MAP3K5: variants seen among roughly 807,000 people sequenced by gnomAD.
MAP3K5 encodes the protein mitogen-activated protein kinase kinase kinase 5.
Under a neutral mutation model 158.7 loss-of-function variants are expected in MAP3K5, and 56 were observed. That is an observed-to-expected ratio of 0.35 (90% CI 0.28 to 0.44). The LOEUF (loss-of-function observed/expected upper bound fraction) is 0.44, where lower values mean the gene tolerates loss of function less well. Ranked by LOEUF, MAP3K5 falls within the 20% of genes least tolerant of loss-of-function variation. The pLI is 1.00. For missense variants in MAP3K5, 1,294 were observed against 1,674.8 expected (o/e 0.77, Z 3.97); for synonymous variants, 579 against 601.7 (o/e 0.96, Z 0.55).
At chr6:136,583,827 C>T (rs1303210077) in intron 23 of MAP3K5, 87 bp from the exon 24 acceptor site, 25 of 1,284,908 alleles carry the variant, frequency 1.9e-5, no homozygotes, top group South Asian at 1.5e-4. Context: ...CCTGCCCCCA[C>T]ATTTTTTTTT....
At chr6:136,789,833 T>C (rs1582709965) in intron 1 of MAP3K5, among the ~76,000 whole-genome samples, 1 of 151,946 alleles carries the variant, frequency 6.6e-6, no homozygotes, top group East Asian at 1.9e-4. Context: ...GGACTACAGG[T>C]GTGCACCACC....
At position 136,592,560 on chromosome 6, in the gene MAP3K5, C is replaced by T. The variant is rs1412889746; in HGVS notation, c.2933G>A (p.Ser978Asn). The change falls in exon 22 of 30, where the codon AGC becomes AAC. Residue 978 changes from serine to asparagine, a missense_variant. Ser to Asn is a conservative substitution (Grantham distance 46). Transcript: ENST00000359015. Reference sequence around the variant, plus strand: ...TGAAACTGAGCCGTACTCACTGCTGCTGCTGGTGTCCTCCACCAGCACAGG... The same window carrying T: ...TGAAACTGAGCCGTACTCACTGCTGTTGCTGGTGTCCTCCACCAGCACAGG... Reference protein sequence around the residue: ...PVPVLVEDTSSSSEYGSVSPD... With the variant: ...PVPVLVEDTSNSSEYGSVSPD... The T allele has an allele frequency of 6.2e-7, 1 of 1,614,002 alleles. No individual in the cohort carries two copies. Among genetic ancestry groups the T allele is most frequent in the Admixed American group, 1.7e-5 (1 of 60,004 alleles).
Position 136,635,724 on chromosome 6 carries a change from C to T in MAP3K5, c.2016+1601G>A, listed in dbSNP as rs1346768832. On this transcript the variant is annotated intron_variant, in intron 14 of 29. Coordinates refer to ENST00000359015, the MANE Select transcript of MAP3K5 (RefSeq NM_005923.4). ...GCAACAAAGTGAGATCCCGTCTCCA[C>T]CAAAAAAAAAAAAAAAAAAAAAAAA... Among the ~76,000 whole-genome samples, 10 of 85,220 alleles carry T rather than the reference C, an allele frequency of 1.2e-4. No homozygotes were observed. In the Admixed American group the frequency reaches 1.2e-3, roughly 11 times the overall value. 55.9% of individuals were successfully genotyped at this position (85,220 alleles called of 152,430 possible).
At chr6:136,709,989 T>A (rs183947090) in intron 2 of MAP3K5, among the ~76,000 whole-genome samples, 1 of 152,354 alleles carries the variant, frequency 6.6e-6, no homozygotes, top group East Asian at 1.9e-4. Context: ...CTATTGTTTA[T>A]GCTTTGTAGA....
intron 11 of MAP3K5, among the ~76,000 whole-genome samples, chr6:136,649,087 A>G (rs955106573): frequency 2.6e-5 from 4 of 152,182 alleles, no homozygotes; most frequent in Admixed American, 1.3e-4. Context: ...CTCCTGCCTC[A>G]GCCTCCTGAG....
rs373614928 is a variant in MAP3K5 at position 136,560,491 on chromosome 6, C to A, written c.3987+1042G>T. Among the ~76,000 whole-genome samples, 15 of 151,510 alleles carry A rather than the reference C, an allele frequency of 9.9e-5. No individual in the cohort carries two copies. In the East Asian group the frequency reaches 1.5e-3, roughly 16 times the overall value. On this transcript the variant is annotated intron_variant, in intron 28 of 29. Coordinates refer to ENST00000359015, the MANE Select transcript of MAP3K5 (RefSeq NM_005923.4). ...GAGATTGTGTCTCAAAAAACAAAAT[C>A]AAAAAAAGTCTATACAGAGCAGAGA...
chr6:136,660,080 C>A (rs1388122066), intron 8 of MAP3K5, among the ~76,000 whole-genome samples: 4 of 152,092 alleles, frequency 2.6e-5, no homozygotes, highest in Non-Finnish European at 5.9e-5. Flanking sequence ...TGTTATGTAA[C>A]CTTCTTCTTT....
intron 7 of MAP3K5, among the ~76,000 whole-genome samples, chr6:136,691,049 T>C (rs1442190740): frequency 6.6e-6 from 1 of 152,214 alleles, no homozygotes; most frequent in Non-Finnish European, 1.5e-5. Flanking sequence ...GCACTCACTC[T>C]TTCCCCTGAT....
intron 8 of MAP3K5, among the ~76,000 whole-genome samples, chr6:136,663,116 C>A (rs1286816850): frequency 2.0e-5 from 3 of 152,160 alleles, no homozygotes; most frequent in African/African-American, 7.2e-5. Flanking sequence ...AATCCATACA[C>A]CACCACGATG....
chr6:136,736,698 T>G (rs1469778271), intron 1 of MAP3K5, among the ~76,000 whole-genome samples: 1 of 152,010 alleles, frequency 6.6e-6, no homozygotes, highest in Non-Finnish European at 1.5e-5. Flanking sequence ...AAAACTAATG[T>G]TGTTGTTTTA....
At chr6:136,790,545 T>C (rs1785032389) in intron 1 of MAP3K5, among the ~76,000 whole-genome samples, 2 of 152,258 alleles carry the variant, frequency 1.3e-5, no homozygotes, top group Non-Finnish European at 2.9e-5. Flanking sequence ...CTAGTTTATT[T>C]AGTCTGGCTT....
intron 14 of MAP3K5, among the ~76,000 whole-genome samples, chr6:136,629,717 G>A (rs987205045): frequency 6.6e-6 from 1 of 151,938 alleles, no homozygotes; most frequent in African/African-American, 2.4e-5. Context: ...GTCTCCCAAA[G>A]TGCTGAGATT....
chr6:136,649,913 G>T (rs984531422), intron 11 of MAP3K5, among the ~76,000 whole-genome samples: 2 of 152,214 alleles, frequency 1.3e-5, no homozygotes, highest in Non-Finnish European at 2.9e-5. Context: ...AAGGGCAGTG[G>T]TGGGATTTGA....
intron 24 of MAP3K5, 146 bp from the exon 25 acceptor site, chr6:136,580,552 A>G: frequency 1.9e-6 from 1 of 531,118 alleles, no homozygotes. Context: ...GTCATTGGAA[A>G]ACAAAGTAAA....
At chr6:136,566,655 A>T (rs76454183) in intron 26 of MAP3K5, among the ~76,000 whole-genome samples, 7 of 152,332 alleles carry the variant, frequency 4.6e-5, no homozygotes, top group African/African-American at 9.6e-5. Context: ...AAAGTCAGAG[A>T]GGCAATCTCC....
intron 23 of MAP3K5, among the ~76,000 whole-genome samples, chr6:136,586,974 T>A (rs1775167875): frequency 6.6e-6 from 1 of 152,230 alleles, no homozygotes; most frequent in Admixed American, 6.5e-5. Flanking sequence ...CAGCCTATTG[T>A]GGGACCTTGT....
At position 136,676,794 on chromosome 6, in the gene MAP3K5, T is replaced by C. The variant is rs908187729; in HGVS notation, c.1254-7399A>G. Among the ~76,000 whole-genome samples the C allele has an allele frequency of 6.0e-5, 5 of 82,766 alleles. No homozygotes were observed. In the African/African-American group the frequency reaches 8.1e-4, roughly 13 times the overall value. The allele number at this position is 82,766 out of a possible 152,430, so 54.3% of individuals were successfully genotyped here. On this transcript the variant is annotated intron_variant, in intron 7 of 29. Transcript: ENST00000359015. Reference sequence around the variant, plus strand: ...TTTTGTTAATTTTTCTTTTCTTTTCTTTTTTTTTTTTTTTTGAGACAGAGT... The same window carrying C: ...TTTTGTTAATTTTTCTTTTCTTTTCCTTTTTTTTTTTTTTTGAGACAGAGT...
intron 14 of MAP3K5, 109 bp from the exon 15 acceptor site, chr6:136,623,090 A>G: frequency 1.0e-6 from 1 of 981,058 alleles, no homozygotes; most frequent in Non-Finnish European, 1.6e-6. Flanking sequence ...AGATGGCATT[A>G]ACAGGCTGAA....
intron 1 of MAP3K5, among the ~76,000 whole-genome samples, chr6:136,741,990 C>CA (rs1357818077): frequency 6.6e-6 from 1 of 151,760 alleles, no homozygotes; most frequent in Non-Finnish European, 1.5e-5. Flanking sequence ...TAAAAGAAAC[C>CA]AAAAAAGAAC....
Sources: gnomAD v4.1 joint callset for allele counts (sites outside exome capture counted in the v4.1 genomes callset) on GRCh38, gnomAD v4.1.1 for gene constraint, MANE v1.5 for transcripts, NCBI Gene and HGNC (gene_info 2026-07-23, HGNC 2026-07-21) for gene names.